Variants in PDGFC observed in about 807,000 individuals in gnomAD.
PDGFC encodes platelet derived growth factor C, also known as platelet-derived growth factor C.
In PDGFC, 12 loss-of-function variants were observed where a neutral mutation model predicts 35.5. The ratio of observed to expected loss-of-function variants is 0.34; its 90% CI spans 0.22 to 0.55. PDGFC has a LOEUF of 0.55. Ranked by LOEUF, PDGFC falls within the 20% of genes least tolerant of loss-of-function variation. The probability of loss-of-function intolerance (pLI) is 0.91; values close to 1 mark genes in which losing one functional copy is unlikely to be tolerated. For missense variants in PDGFC, 322 were observed against 412.4 expected, an observed-to-expected ratio of 0.78 and a Z score of 1.90; for synonymous variants, 159 against 148.8, an observed-to-expected ratio of 1.07 and a Z score of -0.50.
At chr4:156,885,431 AAGG>A (rs1730353397) in intron 1 of PDGFC, among the ~76,000 whole-genome samples, 1 of 152,248 alleles carries the variant, frequency 6.6e-6, no homozygotes, top group Admixed American at 6.5e-5. Flanking sequence ...AATTCTTTAA[AAGG>A]AGGCTTAGAA....
At chr4:156,816,626 T>C (rs1056667925) in intron 2 of PDGFC, among the ~76,000 whole-genome samples, 4 of 152,060 alleles carry the variant, frequency 2.6e-5, no homozygotes, top group South Asian at 4.1e-4. Flanking sequence ...TTACAAAATA[T>C]AGAAAAGATA....
chr4:156,861,367 A>G, intron 1 of PDGFC: 2 of 564,050 alleles, frequency 3.5e-6, no homozygotes, highest in South Asian at 3.4e-5. Flanking sequence ...ATGAAAGTAC[A>G]ACAGTTTCTG....
At position 156,762,260 on chromosome 4, in the gene PDGFC, T is replaced by C. The variant is rs1394502553; in HGVS notation, c.*830A>G. ...TTAGAAAAATTTACCAAGCTAAAAATAGTTGATCTAAGTTGTCATAAAAAA... is the reference window on the plus strand; with the variant it reads ...TTAGAAAAATTTACCAAGCTAAAAACAGTTGATCTAAGTTGTCATAAAAAA... On this transcript the variant is annotated 3_prime_UTR_variant, in exon 6 of 6. Coordinates refer to ENST00000502773, the MANE Select transcript of PDGFC (RefSeq NM_016205.3). The C allele has an allele frequency of 2.6e-5, 4 of 152,612 alleles. No homozygotes were observed. Among genetic ancestry groups the C allele is most frequent in the African/African-American group, 9.6e-5 (4 of 41,452 alleles). The allele number at this position is 152,612 out of a possible 1,614,324, so 9.5% of individuals were successfully genotyped here.
chr4:156,814,998 CA>C lies in PDGFC; in HGVS notation c.315-3982del, dbSNP rs1222812805. Among the ~76,000 whole-genome samples, 3 of 152,210 alleles carry C rather than the reference CA, an allele frequency of 2.0e-5. No individual in the cohort carries two copies. The East Asian group carries it at 5.8e-4, about 29-fold the overall frequency. On this transcript the variant is annotated intron_variant, in intron 2 of 5. Transcript: ENST00000502773. ...TCTGGATTTGCAGCGAGACAGCTGG[CA>C]ACTAATTCTTACATGCTCATGCAAG...
intron 1 of PDGFC, among the ~76,000 whole-genome samples, chr4:156,937,387 G>T (rs1579111989): frequency 6.6e-6 from 1 of 152,138 alleles, no homozygotes; most frequent in East Asian, 1.9e-4. Context: ...AAGATTCAAA[G>T]AAATTACTTG....
intron 5 of PDGFC, 137 bp downstream of exon 5, chr4:156,767,634 CAT>C: frequency 1.6e-6 from 1 of 613,650 alleles, no homozygotes. Context: ...AAAACAAAAA[CAT>C]AAACTATTTG....
intron 2 of PDGFC, among the ~76,000 whole-genome samples, chr4:156,827,738 C>T (rs1346049163): frequency 1.3e-5 from 2 of 152,136 alleles, no homozygotes; most frequent in African/African-American, 4.8e-5. Context: ...TACATACACA[C>T]ACATACCCAT....
chr4:156,881,014 T>A (rs1730228988), intron 1 of PDGFC, among the ~76,000 whole-genome samples: 1 of 152,184 alleles, frequency 6.6e-6, no homozygotes, highest in Non-Finnish European at 1.5e-5. Context: ...TTGATTCCAA[T>A]TTTGAAAAAA....
At chr4:156,858,171 A>G (rs757911712) in intron 1 of PDGFC, among the ~76,000 whole-genome samples, 1 of 152,074 alleles carries the variant, frequency 6.6e-6, no homozygotes, top group Non-Finnish European at 1.5e-5. Flanking sequence ...ATCATAAAAG[A>G]CTCAGCAGAG....
chr4:156,773,187 T>G (rs1231922331), intron 3 of PDGFC, among the ~76,000 whole-genome samples: 2 of 152,196 alleles, frequency 1.3e-5, no homozygotes. Context: ...ATTACAAACT[T>G]AGAATGAAAA....
intron 3 of PDGFC, among the ~76,000 whole-genome samples, chr4:156,788,823 A>G (rs548940688): frequency 1.4e-4 from 21 of 152,326 alleles, no homozygotes; most frequent in African/African-American, 5.0e-4. Flanking sequence ...TCACTGATGC[A>G]GAAATATTTT....
intron 3 of PDGFC, among the ~76,000 whole-genome samples, chr4:156,807,505 C>A (rs1164550552): frequency 6.6e-6 from 1 of 151,940 alleles, no homozygotes; most frequent in East Asian, 1.9e-4. Flanking sequence ...ATGAACAAGT[C>A]ATCTCTTATT....
At chr4:156,855,943 G>A (rs1729569772) in intron 1 of PDGFC, among the ~76,000 whole-genome samples, 1 of 152,156 alleles carries the variant, frequency 6.6e-6, no homozygotes, top group African/African-American at 2.4e-5. Context: ...TCTGTAGAGA[G>A]AAGGTATACT....
chr4:156,848,297 A>T (rs1729372845), intron 2 of PDGFC, among the ~76,000 whole-genome samples: 1 of 151,946 alleles, frequency 6.6e-6, no homozygotes, highest in Non-Finnish European at 1.5e-5. Context: ...TGCAACAAAA[A>T]TTTTTGTATA....
chr4:156,829,126 G>A (rs1198515963), intron 2 of PDGFC, among the ~76,000 whole-genome samples: 2 of 152,088 alleles, frequency 1.3e-5, no homozygotes, highest in African/African-American at 4.8e-5. Context: ...CCTATCACAT[G>A]TTAAAAGTAG....
At chr4:156,922,977 C>T (rs1731322705) in intron 1 of PDGFC, among the ~76,000 whole-genome samples, 1 of 152,044 alleles carries the variant, frequency 6.6e-6, no homozygotes, top group South Asian at 2.1e-4. Context: ...CCAAATTGAC[C>T]CTTTACTCCA....
chr4:156,971,126 T>C lies in PDGFC; in HGVS notation c.-223A>G. ...TTTTGAAAAGGATCAAAGCAAAACC[T>C]GGACCTGAACCAGTTTCCCAAGGTT... On this transcript the variant is annotated 5_prime_UTR_variant, in exon 1 of 6. Transcript: ENST00000502773. 2.0e-6 allele frequency: 1 copy of C among 494,466 alleles called. No individual in the cohort carries two copies. Among genetic ancestry groups the C allele is most frequent in the South Asian group, 3.7e-5 (1 of 27,106 alleles). The allele number at this position is 494,466 out of a possible 1,614,324, so 30.6% of individuals were successfully genotyped here.
chr4:156,819,405 C>A (rs2110972030), intron 2 of PDGFC, among the ~76,000 whole-genome samples: 1 of 152,296 alleles, frequency 6.6e-6, no homozygotes, highest in East Asian at 1.9e-4. Flanking sequence ...CATCTGGTGA[C>A]TTTACGTTGA....
intron 1 of PDGFC, among the ~76,000 whole-genome samples, chr4:156,939,158 T>G (rs1300664106): frequency 1.3e-5 from 2 of 152,096 alleles, no homozygotes; most frequent in Non-Finnish European, 2.9e-5. Flanking sequence ...ACTTTGGCTA[T>G]TTAATTTACA....
Sources: gnomAD v4.1 joint callset for allele counts (sites outside exome capture counted in the v4.1 genomes callset) on GRCh38, gnomAD v4.1.1 for gene constraint, MANE v1.5 for transcripts, NCBI Gene and HGNC (gene_info 2026-07-23, HGNC 2026-07-21) for gene names.